Variants in HERC1 observed in about 807,000 individuals in gnomAD.
The protein encoded by HERC1 is probable E3 ubiquitin-protein ligase HERC1.
Under a neutral mutation model 554.3 loss-of-function variants are expected in HERC1, and 160 were observed. The ratio of observed to expected loss-of-function variants is 0.29; its 90% CI spans 0.25 to 0.33. The LOEUF (loss-of-function observed/expected upper bound fraction) is 0.33. HERC1 is among the 10% of genes least tolerant of loss of function. The pLI is 1.00. For synonymous variants in HERC1, 2,175 were observed against 2,131.7 expected (o/e 1.02, Z -0.56); for missense variants, 4,919 against 5,918.5 (o/e 0.83, Z 5.54).
rs1364131008 is a variant in HERC1, at chr15:63,674,873, C to T, written c.7315G>A (p.Asp2439Asn). The T allele has an allele frequency of 6.2e-7, 1 of 1,613,794 alleles. No individual in the cohort carries two copies. Among genetic ancestry groups the T allele is most frequent in the African/African-American group, 1.3e-5 (1 of 74,930 alleles). ...EQKPESESAL[D>N]MRTGLTSDDV... ...TCAGATGTTAGGCCTGTTCGCATATCTAAAGCGGATTCACTCTCAGGTTTC... is the reference window on the plus strand; with the variant it reads ...TCAGATGTTAGGCCTGTTCGCATATTTAAAGCGGATTCACTCTCAGGTTTC... Residue 2439 changes from aspartate to asparagine, a missense_variant, in exon 38 of 78, where the codon GAT becomes AAT. By Grantham distance (23) the Asp-to-Asn change is conservative. Transcript: ENST00000443617.
intron 1 of HERC1, among the ~76,000 whole-genome samples, chr15:63,816,430 C>A (rs1162898353): frequency 6.6e-6 from 1 of 152,180 alleles, no homozygotes; most frequent in Non-Finnish European, 1.5e-5. Flanking sequence ...CACAAAAGGT[C>A]TGTTCTCAAG....
rs115090520 is a variant in HERC1, at chr15:63,724,647, C to T, written c.3568+645G>A. ...ATAATATCATGTAGCCTGTCTAATC[C>T]AAATCATTATTTTATAGAATCAAAA... On this transcript the variant is annotated intron_variant, in intron 18 of 77. Transcript: ENST00000443617. Among the ~76,000 whole-genome samples, 169 of 151,996 alleles carry T rather than the reference C, an allele frequency of 1.1e-3. 1 individual carries two copies. Among genetic ancestry groups the T allele is most frequent in the African/African-American group, 4.0e-3 (167 of 41,446 alleles).
At position 63,648,161 on chromosome 15, in the gene HERC1, G is replaced by A. The variant is rs115732707; in HGVS notation, c.10786C>T (p.Pro3596Ser). Residue 3596 changes from proline (P) to serine (S), a missense_variant, in exon 55 of 78, where the codon CCA (proline) becomes TCA (serine). This residue lies in a region of HERC1 where 1,963 missense variants were observed against 2,228.6 expected (regional missense o/e 0.88). Transcript: ENST00000443617. ...CCATCAAAATATCCCACTGCAAATGGTCTGTCTTCACTGAACCATGCAATG... is the reference window on the plus strand; with the variant it reads ...CCATCAAAATATCCCACTGCAAATGATCTGTCTTCACTGAACCATGCAATG... ...TCIAWFSEDR[P>S]FAVGYFDGKL... 8.8e-4 allele frequency: 1,408 copies of A among 1,601,078 alleles called. 13 individuals carry two copies. The African/African-American group carries it at 0.017, about 20-fold the overall frequency.
Position 63,717,228 on chromosome 15 carries a change from CAT to C in HERC1, c.3979-757_3979-756del, listed in dbSNP as rs912070963. 4.6e-5 allele frequency among the ~76,000 whole-genome samples: 7 copies of C among 152,218 alleles called. No individual in the cohort carries two copies. In the South Asian group the frequency reaches 1.4e-3, roughly 32 times the overall value. On this transcript the variant is annotated intron_variant, in intron 21 of 77. Transcript: ENST00000443617. Reference sequence around the variant, plus strand: ...TCACACAGTACATGTCATTTATCCCCATATATGAGTTTCAAATATGAGCCTCA... The same window carrying C: ...TCACACAGTACATGTCATTTATCCCCATATGAGTTTCAAATATGAGCCTCA...
chr15:63,774,908 G>C lies in HERC1; in HGVS notation c.716C>G (p.Ala239Gly). The change falls in exon 2 of 78, where the codon GCA becomes GGA. Residue 239 changes from alanine (A) to glycine (G), a missense_variant. Physicochemically the swap from Ala to Gly is moderately conservative, Grantham distance 60. This residue lies in a region of HERC1 where 744 missense variants were observed against 1,090.0 expected (regional missense o/e 0.68). Coordinates refer to ENST00000443617, the MANE Select transcript of HERC1 (RefSeq NM_003922.4). ...AGCTAATCTACGACCTAAAGTGTCT[G>C]CCCCAGAATTAGGAATAGTGACTCC... ...LKGVTIPNSG[A>G]DTLGRRLASE... is the part of the protein sequence containing the mutation. 1 of 1,614,002 alleles carries C rather than the reference G, an allele frequency of 6.2e-7. No homozygotes were observed.
rs958363671 is a variant in HERC1, at chr15:63,727,054, G to T, written c.3346+593C>A. 1.3e-5 allele frequency among the ~76,000 whole-genome samples: 2 copies of T among 151,918 alleles called. No homozygotes were observed. The highest frequency in any genetic ancestry group is 4.8e-5 in the African/African-American group (2 of 41,266). The stretch of plus-strand genomic sequence containing the variant: ...GCATTTTGGGAGGCTGAGGTGGGCG[G>T]ATCACAAGGTCAGGAGTTCAAGAAC... On this transcript the variant is annotated intron_variant, in intron 17 of 77. Transcript: ENST00000443617. This position sits in a 1 kb window ranked among gnomAD's most constrained non-coding sequence, Gnocchi z 4.3.
At chr15:63,776,200 T>C (rs925559534) in intron 1 of HERC1, among the ~76,000 whole-genome samples, 3 of 152,196 alleles carry the variant, frequency 2.0e-5, no homozygotes, top group Non-Finnish European at 2.9e-5. Flanking sequence ...CAAATTCATA[T>C]ACACAAGTGC....
chr15:63,814,122 G>C (rs2077417205), intron 1 of HERC1, among the ~76,000 whole-genome samples: 1 of 152,056 alleles, frequency 6.6e-6, no homozygotes, highest in Non-Finnish European at 1.5e-5. Flanking sequence ...AAAACTATAT[G>C]TACAGAATTT....
chr15:63,737,516 GATATATATATATAT>G lies in HERC1; in HGVS notation c.2521-2681_2521-2668del, dbSNP rs754808106. Among the ~76,000 whole-genome samples the G allele has an allele frequency of 1.3e-4, 6 of 46,416 alleles. 1 individual carries two copies. Among genetic ancestry groups the G allele is most frequent in the East Asian group, 1.4e-3 (1 of 730 alleles). The allele number at this position is 46,416 out of a possible 152,430, so 30.5% of individuals were successfully genotyped here. A position where few individuals can be genotyped will look rare whatever the true frequency, so the allele number is the denominator to read the frequency against. On this transcript the variant is annotated intron_variant, in intron 12 of 77. Transcript: ENST00000443617. ...TATACATATATATATCTTTTTTCCA[GATATATATATATAT>G]ATATATATATATATATATCTTTTTT...
At chr15:63,719,305 GA>G (rs1453259524) in intron 19 of HERC1, among the ~76,000 whole-genome samples, 4 of 152,304 alleles carry the variant, frequency 2.6e-5, no homozygotes, top group Admixed American at 6.5e-5. Flanking sequence ...TGAAGTGGGG[GA>G]AAAAGCTTGT....
At chr15:63,804,595 AC>A (rs2077083433) in intron 1 of HERC1, among the ~76,000 whole-genome samples, 1 of 152,082 alleles carries the variant, frequency 6.6e-6, no homozygotes, top group Admixed American at 6.5e-5. Flanking sequence ...AAAAAAAAAA[AC>A]AACACTGTTA....
chr15:63,826,049 C>T (rs1002699705), intron 1 of HERC1, among the ~76,000 whole-genome samples: 3 of 152,100 alleles, frequency 2.0e-5, no homozygotes, highest in Non-Finnish European at 4.4e-5. Context: ...CAGGTGTGAG[C>T]CACCACGCCC....
At chr15:63,794,611 T>C (rs1278043611) in intron 1 of HERC1, among the ~76,000 whole-genome samples, 1 of 152,118 alleles carries the variant, frequency 6.6e-6, no homozygotes, top group Non-Finnish European at 1.5e-5. Flanking sequence ...ATTCCAAAGA[T>C]TTTAGGAGTT....
intron 7 of HERC1, 124 bp from the exon 8 acceptor site, chr15:63,753,209 T>TCA: frequency 6.7e-6 from 4 of 600,358 alleles, no homozygotes; most frequent in South Asian, 5.5e-5. Flanking sequence ...TGAAAAGCTA[T>TCA]GTTTCTGATA....
chr15:63,661,666 C>T (rs951215119), intron 45 of HERC1, 87 bp downstream of exon 45: 8 of 1,366,780 alleles, frequency 5.9e-6, no homozygotes, highest in African/African-American at 2.9e-5. Context: ...TTAAATGTAA[C>T]TCCTCACGTG....
Position 63,674,879 on chromosome 15 carries a change from C to A in HERC1, c.7309G>T (p.Ala2437Ser). The A allele has an allele frequency of 6.2e-7, 1 of 1,613,878 alleles. No homozygotes were observed. Among genetic ancestry groups the A allele is most frequent in the Non-Finnish European group, 8.5e-7 (1 of 1,179,790 alleles). ...DVEQKPESES[A>S]LDMRTGLTSD... ...GTTAGGCCTGTTCGCATATCTAAAG[C>A]GGATTCACTCTCAGGTTTCTGCTCA... Residue 2437 changes from alanine to serine, a missense_variant, in exon 38 of 78, where the codon GCT becomes TCT. This residue lies in a region of HERC1 where 1,963 missense variants were observed against 2,228.6 expected (regional missense o/e 0.88). Transcript: ENST00000443617.
intron 3 of HERC1, among the ~76,000 whole-genome samples, chr15:63,762,151 G>A (rs749281382): frequency 4.6e-5 from 7 of 152,088 alleles, no homozygotes; most frequent in South Asian, 2.1e-4. Flanking sequence ...ACAATGAAAC[G>A]TATCAGAAAG....
At chr15:63,662,168 C>T (rs2070391250) in intron 44 of HERC1, 147 bp from the exon 45 acceptor site, 1 of 891,980 alleles carries the variant, frequency 1.1e-6, no homozygotes. Context: ...AAATTTCTTT[C>T]AAATCAGAAT....
At position 63,732,975 on chromosome 15, in the gene HERC1, G is replaced by A; in HGVS notation, c.2817C>T (p.His939=). The A allele has an allele frequency of 6.2e-7, 1 of 1,613,870 alleles. No individual in the cohort carries two copies. Among genetic ancestry groups the A allele is most frequent in the Non-Finnish European group, 8.5e-7 (1 of 1,179,814 alleles). The change falls in exon 14 of 78, where the codon CAC becomes CAT. Residue 939 remains histidine, a synonymous_variant. Transcript: ENST00000443617. The part of the protein sequence containing the change: ...YGTQSCHPDT[H]LAEILMKTLL... ...GGGTCTTCATCAAAATTTCAGCCAG[G>A]TGGGTATCTGGATGGCAGCTCTGAG...
Sources: gnomAD v4.1 joint callset for allele counts (sites outside exome capture counted in the v4.1 genomes callset) on GRCh38, gnomAD v4.1.1 for gene constraint, gnomAD v4.1.1 regional missense constraint, Gnocchi (gnomAD v3.1) non-coding constraint, MANE v1.5 for transcripts, NCBI Gene and HGNC (gene_info 2026-07-23, HGNC 2026-07-21) for gene names.